Variants in SLC12A7 observed in about 807,000 individuals in gnomAD.
The protein encoded by SLC12A7 is solute carrier family 12 member 7.
Under a neutral mutation model 120.6 loss-of-function variants are expected in SLC12A7, and 100 were observed. The ratio of observed to expected loss-of-function variants is 0.83; its 90% CI spans 0.71 to 0.98. SLC12A7 has a LOEUF of 0.98. Among genes scored for constraint, SLC12A7 ranks in the 50% least tolerant of loss-of-function variants. The pLI is 0.00. For missense variants in SLC12A7, 1,373 were observed against 1,548.1 expected (o/e 0.89, Z 1.90); for synonymous variants, 760 against 678.0 (o/e 1.12, Z -1.88).
chr5:1,078,344 T>C (rs944960801), intron 11 of SLC12A7, among the ~76,000 whole-genome samples: 1 of 152,100 alleles, frequency 6.6e-6, no homozygotes, highest in African/African-American at 2.4e-5. Context: ...CCCATGAGGA[T>C]GCAGGGTCAG....
At chr5:1,107,937 G>A (rs563919499) in intron 1 of SLC12A7, among the ~76,000 whole-genome samples, 2 of 152,202 alleles carry the variant, frequency 1.3e-5, no homozygotes, top group African/African-American at 4.8e-5. Flanking sequence ...CAGGGGGAGG[G>A]AACGGATACC....
intron 22 of SLC12A7, among the ~76,000 whole-genome samples, chr5:1,057,046 G>A (rs1308121416): frequency 1.3e-5 from 2 of 152,136 alleles, no homozygotes; most frequent in Admixed American, 6.5e-5. Flanking sequence ...AGGCCTGGCC[G>A]CAGGGCTGAC....
chr5:1,136,381 GAC>G, the SLC12A7 span, among the ~76,000 whole-genome samples: 2 of 144,564 alleles, frequency 1.4e-5, no homozygotes, highest in Non-Finnish European at 3.0e-5. Flanking sequence ...AGGACACGCA[GAC>G]ACACGTGTGC....
chr5:1,145,059 C>T, the SLC12A7 span, among the ~76,000 whole-genome samples: 5,137 of 152,326 alleles, frequency 0.034, 312 homozygotes, highest in African/African-American at 0.12. This position sits in a 1 kb window ranked among gnomAD's most constrained non-coding sequence, Gnocchi z 4.4. Context: ...ACGGCCAGGC[C>T]GGGCCTGGAG....
At chr5:1,064,668 A>T (rs1736727116) in intron 18 of SLC12A7, among the ~76,000 whole-genome samples, 2 of 151,268 alleles carry the variant, frequency 1.3e-5, no homozygotes, top group African/African-American at 4.9e-5. Context: ...CAGTGAAGGG[A>T]TAGCGAGGAG....
At chr5:1,115,717 CCCG>C (rs1171013789), upstream of SLC12A7, among the ~76,000 whole-genome samples, 1 of 152,064 alleles carries the variant, frequency 6.6e-6, no homozygotes, top group African/African-American at 2.4e-5. Context: ...CAGAAAGCCA[CCCG>C]CCTTCTGCCT....
At chr5:1,120,374 G>A in the SLC12A7 span, among the ~76,000 whole-genome samples, 1 of 152,228 alleles carries the variant, frequency 6.6e-6, no homozygotes, top group Admixed American at 6.5e-5. Flanking sequence ...CGCTGAACCC[G>A]GAGGACAAGA....
At chr5:1,082,755 CA>C (rs1561073683) in intron 8 of SLC12A7, among the ~76,000 whole-genome samples, 7 of 141,152 alleles carry the variant, frequency 5.0e-5, no homozygotes, top group African/African-American at 1.9e-4. Context: ...CTGGAAAGTC[CA>C]GGCTTCCCGT....
chr5:1,112,543 AC>A (rs1177284380), upstream of SLC12A7, among the ~76,000 whole-genome samples: 1 of 13,278 alleles, frequency 7.5e-5, no homozygotes, highest in Non-Finnish European at 1.3e-4. Flanking sequence ...CCCTTTCTGC[AC>A]CCCCTCCTGC....
chr5:1,098,805 T>TCACCCAGCCCCCCTCTAACCCTCTGCA (rs1561102478), intron 1 of SLC12A7, among the ~76,000 whole-genome samples: 2 of 49,758 alleles, frequency 4.0e-5, no homozygotes, highest in Admixed American at 1.9e-4. Flanking sequence ...AACCCTCTGC[T>TCACCCAGCCCCCCTCTAACCCTCTGCA]CACCCAGCCG....
At chr5:1,104,665 G>A (rs1157341848) in intron 1 of SLC12A7, among the ~76,000 whole-genome samples, 1 of 65,452 alleles carries the variant, frequency 1.5e-5, no homozygotes, top group African/African-American at 9.4e-5. Flanking sequence ...CCACAGAGCC[G>A]AGGCCCACCG....
At chr5:1,141,135 G>A in the SLC12A7 span, among the ~76,000 whole-genome samples, 9 of 152,274 alleles carry the variant, frequency 5.9e-5, no homozygotes, top group Non-Finnish European at 1.3e-4. Context: ...AGCTGTAGGC[G>A]GGCACCGGTT....
intron 2 of SLC12A7, 136 bp downstream of exon 2, chr5:1,094,018 C>T: frequency 2.9e-6 from 2 of 678,310 alleles, no homozygotes; most frequent in Admixed American, 2.7e-5. Flanking sequence ...GCCTTCAGGA[C>T]AGGGAGGCCC....
chr5:1,127,857 G>C, the SLC12A7 span, among the ~76,000 whole-genome samples: 230 of 152,258 alleles, frequency 1.5e-3, 2 homozygotes, highest in African/African-American at 5.2e-3. Context: ...TTTTAAAAAA[G>C]AAGTAATTTT....
In SLC12A7 at chr5:1,111,653, C is replaced by A. The variant is rs553411813; in HGVS notation, c.124+215G>T. Among the ~76,000 whole-genome samples the A allele has an allele frequency of 1.1e-4, 16 of 152,294 alleles. No individual in the cohort carries two copies. The East Asian group carries it at 3.1e-3, about 29-fold the overall frequency. On this transcript the variant is annotated intron_variant, in intron 1 of 23. Coordinates refer to ENST00000264930, the MANE Select transcript of SLC12A7 (RefSeq NM_006598.3). ...TGCCCCCGGTCCCACCCGAGCTGAC[C>A]GTACCGGGAGCCCTGGCAGGGCCCC...
At chr5:1,135,705 C>T in the SLC12A7 span, among the ~76,000 whole-genome samples, 4 of 152,242 alleles carry the variant, frequency 2.6e-5, no homozygotes, top group Non-Finnish European at 5.9e-5. Flanking sequence ...GACGATATTC[C>T]TGGAAAGACA....
chr5:1,154,777 G>A, the SLC12A7 span, among the ~76,000 whole-genome samples: 1 of 152,058 alleles, frequency 6.6e-6, no homozygotes, highest in Non-Finnish European at 1.5e-5. Flanking sequence ...TTCTGCCTGG[G>A]ACCTGCCTCA....
At chr5:1,064,012 G>A (rs1005416958) in intron 19 of SLC12A7, 37 bp from the exon 20 acceptor site, 3 of 1,608,644 alleles carry the variant, frequency 1.9e-6, no homozygotes, top group Admixed American at 1.7e-5. Flanking sequence ...GGGCCTCAGA[G>A]GAGCCCGTCC....
At chr5:1,096,120 C>A (rs1451296140) in intron 1 of SLC12A7, among the ~76,000 whole-genome samples, 1 of 152,254 alleles carries the variant, frequency 6.6e-6, no homozygotes, top group Non-Finnish European at 1.5e-5. Context: ...TGATCATTAA[C>A]TCCCTGATTC....
Sources: allele counts gnomAD v4.1 joint callset (sites outside exome capture counted in the v4.1 genomes callset), GRCh38; gene constraint gnomAD v4.1.1; non-coding constraint Gnocchi (gnomAD v3.1); transcripts MANE v1.5; gene names NCBI Gene and HGNC (gene_info 2026-07-23, HGNC 2026-07-21).